The following EEIG1 variants were observed in gnomAD, a reference collection of about 807,000 sequenced individuals.
EEIG1 encodes the protein early estrogen-induced gene 1 protein.
chr9:127,960,830 C>T, the EEIG1 span, among the ~76,000 whole-genome samples: 1 of 152,150 alleles, frequency 6.6e-6, no homozygotes, highest in Non-Finnish European at 1.5e-5. Context: ...GGCACATTCC[C>T]CCCTCCACAG....
chr9:127,962,440 T>C, the EEIG1 span, among the ~76,000 whole-genome samples: 4 of 152,156 alleles, frequency 2.6e-5, no homozygotes, highest in East Asian at 5.8e-4. Flanking sequence ...TCCTGGGGAC[T>C]GCATTGTGGC....
the EEIG1 span, chr9:127,948,053 A>T: frequency 7.9e-5 from 127 of 1,602,234 alleles, no homozygotes; most frequent in African/African-American, 1.4e-3. Context: ...GGAGGGGCGG[A>T]CAGATGAGGA....
chr9:127,979,009 C>T, the EEIG1 span, among the ~76,000 whole-genome samples: 3 of 151,818 alleles, frequency 2.0e-5, no homozygotes, highest in South Asian at 2.1e-4. Context: ...AGAGTTAAAT[C>T]GCGTCCCCCC....
chr9:127,971,675 G>T, the EEIG1 span, among the ~76,000 whole-genome samples: 2 of 152,148 alleles, frequency 1.3e-5, no homozygotes, highest in African/African-American at 4.8e-5. Context: ...GAAGCCCCAA[G>T]ACCAAGATGC....
chr9:127,941,351 G>A, the EEIG1 span: 2 of 152,472 alleles, frequency 1.3e-5, no homozygotes, highest in African/African-American at 4.8e-5. Flanking sequence ...TCCTAGGCTG[G>A]GTGAGGTCAC....
At chr9:127,942,823 A>G in the EEIG1 span, 1 of 300,006 alleles carries the variant, frequency 3.3e-6, no homozygotes, top group Non-Finnish European at 6.5e-6. Context: ...AGCCACAGGC[A>G]TCTCTACATT....
At chr9:127,970,437 T>C in the EEIG1 span, among the ~76,000 whole-genome samples, 1 of 152,102 alleles carries the variant, frequency 6.6e-6, no homozygotes, top group Non-Finnish European at 1.5e-5. Flanking sequence ...CACTCTTTTG[T>C]CTCCGGCTTT....
the EEIG1 span, chr9:127,944,473 G>A: frequency 4.5e-6 from 3 of 659,344 alleles, no homozygotes; most frequent in East Asian, 8.2e-5. Context: ...TGGGGAAAGG[G>A]AGGTTCAGAG....
the EEIG1 span, among the ~76,000 whole-genome samples, chr9:127,961,976 G>A: frequency 1.3e-5 from 2 of 152,188 alleles, no homozygotes; most frequent in Non-Finnish European, 1.5e-5. Flanking sequence ...CAGTCCCCAC[G>A]GTGTCCACGT....
the EEIG1 span, among the ~76,000 whole-genome samples, chr9:127,960,168 A>G: frequency 6.6e-6 from 1 of 152,224 alleles, no homozygotes; most frequent in African/African-American, 2.4e-5. Context: ...GGGCAGTGAC[A>G]TCTGAGCACG....
the EEIG1 span, chr9:127,948,456 A>T: frequency 6.2e-7 from 1 of 1,602,774 alleles, no homozygotes; most frequent in Non-Finnish European, 8.5e-7. Flanking sequence ...GACCACCCAC[A>T]GCCTGCCCAG....
At chr9:127,958,756 A>T in the EEIG1 span, among the ~76,000 whole-genome samples, 1 of 152,194 alleles carries the variant, frequency 6.6e-6, no homozygotes, top group African/African-American at 2.4e-5. Context: ...ACCACAAAAT[A>T]AGAAAAAATA....
chr9:127,970,265 C>A, the EEIG1 span, among the ~76,000 whole-genome samples: 1 of 152,110 alleles, frequency 6.6e-6, no homozygotes, highest in Non-Finnish European at 1.5e-5. Context: ...TACAGGCATG[C>A]GCCACCATGC....
chr9:127,964,917 C>T, the EEIG1 span, among the ~76,000 whole-genome samples: 3 of 152,064 alleles, frequency 2.0e-5, no homozygotes, highest in African/African-American at 7.2e-5. Context: ...GCCTGGACAA[C>T]ACGGTGAAAC....
At chr9:127,975,231 T>C in the EEIG1 span, among the ~76,000 whole-genome samples, 8 of 152,332 alleles carry the variant, frequency 5.3e-5, no homozygotes, top group South Asian at 4.1e-4. Flanking sequence ...CAAGGCCTTC[T>C]TCATACTAAA....
At chr9:127,950,594 G>A in the EEIG1 span, 1 of 1,594,486 alleles carries the variant, frequency 6.3e-7, no homozygotes, top group Non-Finnish European at 8.6e-7. Flanking sequence ...CTCCTGGCTG[G>A]CGGAAGCCCA....
chr9:127,975,191 G>A, the EEIG1 span, among the ~76,000 whole-genome samples: 2 of 152,224 alleles, frequency 1.3e-5, no homozygotes, highest in African/African-American at 2.4e-5. Context: ...TGGGCCTGGC[G>A]TGGGGCCCCC....
At chr9:127,951,740 C>T in the EEIG1 span, among the ~76,000 whole-genome samples, 2 of 150,998 alleles carry the variant, frequency 1.3e-5, no homozygotes, top group African/African-American at 4.9e-5. Flanking sequence ...TGGCGTGAAC[C>T]CGGGAGGCGG....
the EEIG1 span, chr9:127,953,871 A>G: frequency 1.2e-6 from 2 of 1,613,974 alleles, no homozygotes; most frequent in South Asian, 1.1e-5. Flanking sequence ...CACTCATCTT[A>G]CACACGAAGG....
Sources: allele counts gnomAD v4.1 joint callset (sites outside exome capture counted in the v4.1 genomes callset), GRCh38; gene constraint gnomAD v4.1.1; transcripts MANE v1.5; gene names NCBI Gene and HGNC (gene_info 2026-07-23, HGNC 2026-07-21).